ADAMTS17: variants seen among roughly 807,000 people sequenced by gnomAD.
ADAMTS17 encodes the protein ADAM metallopeptidase with thrombospondin type 1 motif 17, also known as A disintegrin and metalloproteinase with thrombospondin motifs 17.
Under a neutral mutation model 141.5 loss-of-function variants are expected in ADAMTS17, and 113 were observed. The ratio of observed to expected loss-of-function variants is 0.80; its 90% CI spans 0.69 to 0.93. The LOEUF (loss-of-function observed/expected upper bound fraction) is 0.93, where lower values mean the gene tolerates loss of function less well. Ranked by LOEUF, ADAMTS17 falls within the 40% of genes least tolerant of loss-of-function variation. The probability of loss-of-function intolerance (pLI) is 0.00; values close to 1 mark genes in which losing one functional copy is unlikely to be tolerated. For missense variants in ADAMTS17, 1,659 were observed against 1,517.9 expected (o/e 1.09, Z -1.54); for synonymous variants, 768 against 630.6 (o/e 1.22, Z -3.27).
chr15:100,326,741 C>T (rs1342727565), intron 3 of ADAMTS17, among the ~76,000 whole-genome samples: 2 of 152,132 alleles, frequency 1.3e-5, no homozygotes, highest in South Asian at 2.1e-4. Context: ...AGTGGCAAAC[C>T]CAATCCAAGC....
intron 4 of ADAMTS17, among the ~76,000 whole-genome samples, chr15:100,262,742 A>G (rs1479782233): frequency 6.6e-6 from 1 of 151,740 alleles, no homozygotes; most frequent in African/African-American, 2.4e-5. Context: ...AACAAATTTA[A>G]AAATCAATAT....
Position 100,201,357 on chromosome 15 carries a change from TGAA to T in ADAMTS17, c.1076-1937_1076-1935del, listed in dbSNP as rs569283522. ...CTCCCCCCTCTCTCCTGCTGCACTG[TGAA>T]GAAGGTGTCTGCTTCCCTTTCCCCT... On this transcript the variant is annotated intron_variant, in intron 7 of 21. Coordinates refer to ENST00000268070, the MANE Select transcript of ADAMTS17 (RefSeq NM_139057.4). Among the ~76,000 whole-genome samples the T allele has an allele frequency of 2.6e-5, 4 of 152,326 alleles. No homozygotes were observed. In the South Asian group the frequency reaches 8.3e-4, roughly 32 times the overall value.
intron 14 of ADAMTS17, among the ~76,000 whole-genome samples, chr15:100,100,298 C>T (rs541096925): frequency 4.6e-5 from 7 of 152,224 alleles, no homozygotes; most frequent in African/African-American, 1.7e-4. Context: ...GGGTAGCTCC[C>T]CCGGGGCTCC....
intron 6 of ADAMTS17, among the ~76,000 whole-genome samples, chr15:100,254,525 C>CTCCCCAAGCTACTCTACT (rs888382162): frequency 3.3e-5 from 5 of 152,166 alleles, no homozygotes; most frequent in African/African-American, 1.2e-4. Context: ...CTGCAGTGGC[C>CTCCCCAAGCTACTCTACT]TCCCCAAGCT....
Position 100,304,014 on chromosome 15 carries a change from G to A in ADAMTS17, c.617-22613C>T, listed in dbSNP as rs373117340. 1.1e-4 allele frequency among the ~76,000 whole-genome samples: 16 copies of A among 152,322 alleles called. No homozygotes were observed. The South Asian group carries it at 1.9e-3, about 18-fold the overall frequency. ...GCTGGGATTACAGGCATGAGCCGCC[G>A]CACCCGGCCTTAATCAGCTCTTTAT... is the stretch of plus-strand genomic sequence containing the variant. On this transcript the variant is annotated intron_variant, in intron 3 of 21. Coordinates refer to ENST00000268070, the MANE Select transcript of ADAMTS17 (RefSeq NM_139057.4).
intron 7 of ADAMTS17, among the ~76,000 whole-genome samples, 172 bp downstream of exon 7, chr15:100,253,964 A>T (rs984749241): frequency 2.6e-5 from 4 of 152,090 alleles, no homozygotes; most frequent in African/African-American, 9.7e-5. Context: ...CAATAACTTC[A>T]AATCATTTCA....
At chr15:100,027,695 C>A (rs927725889) in intron 18 of ADAMTS17, among the ~76,000 whole-genome samples, 2 of 152,212 alleles carry the variant, frequency 1.3e-5, no homozygotes, top group African/African-American at 4.8e-5. Flanking sequence ...CTGATTCCTG[C>A]TCCGGTAAAT....
chr15:100,172,862 T>C (rs1031081482), intron 8 of ADAMTS17, among the ~76,000 whole-genome samples: 1 of 152,368 alleles, frequency 6.6e-6, no homozygotes, highest in East Asian at 1.9e-4. Context: ...ACTTTTTGTC[T>C]GAATGCTAAT....
At chr15:100,298,063 C>T (rs575947154) in intron 3 of ADAMTS17, among the ~76,000 whole-genome samples, 17 of 151,904 alleles carry the variant, frequency 1.1e-4, no homozygotes, top group African/African-American at 2.7e-4. Context: ...TGAGAGTGCT[C>T]GTGGGGACAG....
intron 3 of ADAMTS17, among the ~76,000 whole-genome samples, chr15:100,310,145 A>C (rs748763942): frequency 2.4e-4 from 36 of 152,316 alleles, no homozygotes; most frequent in Non-Finnish European, 4.7e-4. Context: ...TGTGCCGCTG[A>C]ACACTCTGCA....
intron 7 of ADAMTS17, among the ~76,000 whole-genome samples, chr15:100,205,185 A>G (rs1216930005): frequency 6.6e-6 from 1 of 152,138 alleles, no homozygotes; most frequent in Non-Finnish European, 1.5e-5. Context: ...GTCTCTGGTA[A>G]GAGAATCACA....
Position 100,281,281 on chromosome 15 carries a change from T to G in ADAMTS17, c.737A>C (p.Gln246Pro), listed in dbSNP as rs1237472308. Residue 246 changes from glutamine (Q) to proline (P), a missense_variant, in exon 4 of 22, where the codon CAG (glutamine) becomes CCG (proline). Coordinates refer to ENST00000268070, the MANE Select transcript of ADAMTS17 (RefSeq NM_139057.4). ...TLVVADADMVQYHGAEAAQRF... is the reference protein window; with the variant it reads ...TLVVADADMVPYHGAEAAQRF... The stretch of plus-strand genomic sequence containing the variant: ...CTGGGCGGCCTCGGCCCCGTGGTAC[T>G]GCACCATGTCGGCGTCGGCCACCAC... 1.2e-6 allele frequency: 2 copies of G among 1,608,698 alleles called. No individual in the cohort carries two copies. The highest frequency in any genetic ancestry group is 1.7e-6 in the Non-Finnish European group (2 of 1,179,988).
At chr15:100,335,453 C>T (rs553887763) in intron 2 of ADAMTS17, among the ~76,000 whole-genome samples, 2 of 152,194 alleles carry the variant, frequency 1.3e-5, no homozygotes, top group Non-Finnish European at 1.5e-5. Flanking sequence ...AGAGCCCCGC[C>T]CTGCCCAGTT....
intron 10 of ADAMTS17, among the ~76,000 whole-genome samples, chr15:100,151,580 T>G (rs1301498398): frequency 1.3e-5 from 2 of 152,206 alleles, no homozygotes; most frequent in Non-Finnish European, 2.9e-5. Context: ...TGAGTGCCAG[T>G]GCTGGAATAG....
chr15:99,988,176 T>A (rs976365223), intron 20 of ADAMTS17, among the ~76,000 whole-genome samples: 2 of 152,038 alleles, frequency 1.3e-5, no homozygotes, highest in Non-Finnish European at 2.9e-5. Flanking sequence ...CCAAATCTCA[T>A]GCCGAAATGT....
intron 15 of ADAMTS17, among the ~76,000 whole-genome samples, chr15:100,082,860 G>A (rs565217405): frequency 2.3e-4 from 34 of 148,948 alleles, no homozygotes; most frequent in African/African-American, 7.7e-4. Flanking sequence ...GTGGTCTCCC[G>A]TGGGGATGCG....
chr15:100,067,563 AT>A (rs112842557), intron 15 of ADAMTS17, among the ~76,000 whole-genome samples: 6,347 of 150,002 alleles, frequency 0.042, 456 homozygotes, highest in African/African-American at 0.15. Flanking sequence ...ATTAGTACAC[AT>A]TTTTTTTTTC....
At chr15:100,058,357 G>A (rs571948258) in intron 15 of ADAMTS17, among the ~76,000 whole-genome samples, 4 of 151,818 alleles carry the variant, frequency 2.6e-5, no homozygotes, top group Non-Finnish European at 5.9e-5. Flanking sequence ...CCCCTATCCC[G>A]GCTCTAACCC....
intron 7 of ADAMTS17, among the ~76,000 whole-genome samples, chr15:100,208,009 C>T (rs749569997): frequency 2.8e-4 from 42 of 152,260 alleles, no homozygotes; most frequent in Non-Finnish European, 4.3e-4. Flanking sequence ...TCTGAAGAAT[C>T]GGAGGCTAAA....
Sources: allele counts gnomAD v4.1 joint callset (sites outside exome capture counted in the v4.1 genomes callset), GRCh38; gene constraint gnomAD v4.1.1; transcripts MANE v1.5; gene names NCBI Gene and HGNC (gene_info 2026-07-23, HGNC 2026-07-21).